The following SMARCA4 variants were observed in gnomAD, a reference collection of about 807,000 sequenced individuals.
SMARCA4 encodes SWI/SNF related BAF chromatin remodeling complex subunit ATPase 4, also known as SWI/SNF-related matrix-associated actin-dependent regulator of chromatin subfamily A member 4.
In SMARCA4, 31 loss-of-function variants were observed where a neutral mutation model predicts 193.9. The observed-to-expected ratio is 0.16, with a 90% CI of 0.12 to 0.22. The LOEUF (loss-of-function observed/expected upper bound fraction) is 0.22, where lower values mean the gene tolerates loss of function less well. Among genes scored for constraint, SMARCA4 ranks in the 10% least tolerant of loss-of-function variants. The probability of loss-of-function intolerance (pLI) is 1.00; values close to 1 mark genes in which losing one functional copy is unlikely to be tolerated. For missense variants in SMARCA4, 1,148 were observed against 2,296.0 expected (o/e 0.50, Z 10.22); for synonymous variants, 942 against 933.1 (o/e 1.01, Z -0.17).
chr19:11,002,799 CAAAAAAAAAAAAA>C lies in SMARCA4; in HGVS notation c.1813-220_1813-208del, dbSNP rs747143883. Among the ~76,000 whole-genome samples, 546 of 83,714 alleles carry C rather than the reference CAAAAAAAAAAAAA, an allele frequency of 6.5e-3. 10 individuals carry two copies. Among genetic ancestry groups the C allele is most frequent in the African/African-American group, 0.023 (508 of 21,640 alleles). The allele number at this position is 83,714 out of a possible 152,430, so 54.9% of individuals were successfully genotyped here. A position where few individuals can be genotyped will look rare whatever the true frequency, so the allele number is the denominator to read the frequency against. The stretch of plus-strand genomic sequence containing the variant: ...TGGGTGACAGAGCGAGACTCCGTCT[CAAAAAAAAAAAAA>C]AAAAAAAAAGAAGAAACAAGTGTCA... On this transcript the variant is annotated intron_variant, in intron 11 of 34. Coordinates refer to ENST00000344626, the MANE Select transcript of SMARCA4 (RefSeq NM_003072.5).
In SMARCA4 at chr19:10,996,546, T is replaced by G. The variant is rs1600085264; in HGVS notation, c.1812+2T>G. ...CCTGCCATTGGGCCGGATGGCGAGGTGAGGAAGCAGGGTTTCTTGTGGAAG... is the reference window on the plus strand; with the variant it reads ...CCTGCCATTGGGCCGGATGGCGAGGGGAGGAAGCAGGGTTTCTTGTGGAAG... On this transcript the variant is annotated splice_donor_variant, in intron 11 of 34. Coordinates refer to ENST00000344626, the MANE Select transcript of SMARCA4 (RefSeq NM_003072.5). LOFTEE classifies it high-confidence loss of function. 1 of 1,613,888 alleles carries G rather than the reference T, an allele frequency of 6.2e-7. No individual in the cohort carries two copies. Among genetic ancestry groups the G allele is most frequent in the Non-Finnish European group, 8.5e-7 (1 of 1,179,838 alleles).
chr19:10,966,876 A>G (rs2084264311), intron 1 of SMARCA4, among the ~76,000 whole-genome samples: 1 of 143,796 alleles, frequency 7.0e-6, no homozygotes, highest in African/African-American at 2.6e-5. Flanking sequence ...CGACAGAGCA[A>G]GACTACGTCT....
At chr19:11,007,787 G>T in intron 13 of SMARCA4, 115 bp from the exon 14 acceptor site, 1 of 965,092 alleles carries the variant, frequency 1.0e-6, no homozygotes, top group Non-Finnish European at 1.7e-6. Flanking sequence ...AGGATAGGTA[G>T]AGGGGGTGAG....
At chr19:11,001,053 A>C (rs2087585844) in intron 11 of SMARCA4, among the ~76,000 whole-genome samples, 1 of 151,678 alleles carries the variant, frequency 6.6e-6, no homozygotes, top group South Asian at 2.1e-4. Flanking sequence ...GGAGCTCTCT[A>C]TTATTATTAC....
chr19:11,060,264 G>C, intron 34 of SMARCA4, 77 bp downstream of exon 34: 2 of 1,515,184 alleles, frequency 1.3e-6, no homozygotes, highest in Non-Finnish European at 1.8e-6. Flanking sequence ...ACAGCCCTGT[G>C]GGGCGGTGCT....
chr19:11,058,676 ATCC>A lies in SMARCA4; in HGVS notation c.4534-109_4534-107del. 1 of 924,160 alleles carries A rather than the reference ATCC, an allele frequency of 1.1e-6. No homozygotes were observed. The highest frequency in any genetic ancestry group is 1.9e-5 in the Admixed American group (1 of 52,234). The allele number at this position is 924,160 out of a possible 1,614,324, so 57.2% of individuals were successfully genotyped here. A position where few individuals can be genotyped will look rare whatever the true frequency, so the allele number is the denominator to read the frequency against. ...TTACCGAGGCTGGCGCTTCGGCCAC[ATCC>A]TCATAGGCACGAGGAATCCTAGCCC... On this transcript the variant is annotated intron_variant, in intron 31 of 34. Transcript: ENST00000344626. The surrounding 1 kb of genome is among the most constrained non-coding windows in gnomAD (Gnocchi z 5.8).
Position 11,018,781 on chromosome 19 carries a change from C to T in SMARCA4, c.2439-176C>T, listed in dbSNP as rs2089602706. 4.1e-6 allele frequency: 3 copies of T among 723,372 alleles called. No individual in the cohort carries two copies. In the African/African-American group the frequency reaches 5.2e-5, roughly 12 times the overall value. The allele number at this position is 723,372 out of a possible 1,614,324, so 44.8% of individuals were successfully genotyped here. On this transcript the variant is annotated intron_variant, in intron 16 of 34. Transcript: ENST00000344626. ...TCCTCTGAGGCAGAGCCCTTCACGT[C>T]CTCGCCAGTCTCTCTTCCTCCCTCC...
intron 1 of SMARCA4, chr19:10,961,496 T>G (rs1166434853): frequency 2.0e-5 from 3 of 152,070 alleles, no homozygotes; most frequent in Non-Finnish European, 2.9e-5. Flanking sequence ...CCGGCACCCC[T>G]ACAGTCGCCC....
In SMARCA4 at chr19:11,019,604, C is replaced by G; in HGVS notation, c.2519C>G (p.Ala840Gly). Residue 840 changes from alanine to glycine, a missense_variant, in exon 18 of 35, where the codon GCA becomes GGA. This residue lies in a region of SMARCA4 where 54 missense variants were observed against 123.3 expected (regional missense o/e 0.44). Transcript: ENST00000344626. This position sits in a 1 kb window ranked among gnomAD's most constrained non-coding sequence, Gnocchi z 6.1. ...CTTCCCTTGCAGGGATCCCCAGCAG[C>G]AAGACGGGCCTTTGTCCCCCAGCTC... ...VKVSYKGSPA[A>G]RRAFVPQLRS... The G allele has an allele frequency of 6.2e-7, 1 of 1,611,226 alleles. No homozygotes were observed. The highest frequency in any genetic ancestry group is 8.5e-7 in the Non-Finnish European group (1 of 1,178,540).
chr19:11,044,174 A>G (rs2075771553), intron 30 of SMARCA4, among the ~76,000 whole-genome samples: 1 of 152,032 alleles, frequency 6.6e-6, no homozygotes, highest in Non-Finnish European at 1.5e-5. Flanking sequence ...CGTAGAGAGG[A>G]TGAGCCTCGA....
At chr19:11,003,474 C>A (rs2087858759) in intron 13 of SMARCA4, 77 bp downstream of exon 13, 1 of 1,356,532 alleles carries the variant, frequency 7.4e-7, no homozygotes, top group Non-Finnish European at 1.1e-6. Flanking sequence ...TTGTGACCGT[C>A]TCCTGCCCTG....
At position 11,025,683 on chromosome 19, in the gene SMARCA4, C is replaced by T. The variant is rs2090202096; in HGVS notation, c.3168+175C>T. On this transcript the variant is annotated intron_variant, in intron 22 of 34. Transcript: ENST00000344626. ...TCACCAGTGCTTACGGGAAGAATCC[C>T]AGCAGTTAGGGCGCAACGTGCGATA... The T allele has an allele frequency of 4.7e-6, 3 of 643,994 alleles. No individual in the cohort carries two copies. In the African/African-American group the frequency reaches 5.4e-5, roughly 12 times the overall value. The allele number at this position is 643,994 out of a possible 1,614,324, so 39.9% of individuals were successfully genotyped here. A position where few individuals can be genotyped will look rare whatever the true frequency, so the allele number is the denominator to read the frequency against.
Position 10,984,549 on chromosome 19 carries a change from G to A in SMARCA4, c.222+176G>A, listed in dbSNP as rs576917876. 2.5e-4 allele frequency among the ~76,000 whole-genome samples: 38 copies of A among 152,378 alleles called. No homozygotes were observed. The highest frequency in any genetic ancestry group is 4.0e-4 in the Non-Finnish European group (27 of 68,032). ...CGGCCATGAACAGAAGGTTCAGCTC[G>A]TCAGACCCCAGCCTGTGCTGGCGCA... On this transcript the variant is annotated intron_variant, in intron 2 of 34. Transcript: ENST00000344626. The surrounding 1 kb of genome is among the most constrained non-coding windows in gnomAD (Gnocchi z 4.3).
intron 1 of SMARCA4, among the ~76,000 whole-genome samples, chr19:10,965,572 C>T (rs2084147607): frequency 6.6e-6 from 1 of 152,118 alleles, no homozygotes; most frequent in Non-Finnish European, 1.5e-5. Context: ...CTGAGGAATG[C>T]GTTGTGAGAT....
chr19:11,058,387 C>T lies in SMARCA4; in HGVS notation c.4533+24C>T, dbSNP rs773896673. 4.3e-5 allele frequency: 65 copies of T among 1,496,302 alleles called. No individual in the cohort carries two copies. The highest frequency in any genetic ancestry group is 5.8e-5 in the Non-Finnish European group (62 of 1,073,634). 92.7% of individuals were successfully genotyped at this position (1,496,302 alleles called of 1,614,324 possible). A position where few individuals can be genotyped will look rare whatever the true frequency, so the allele number is the denominator to read the frequency against. ...AGGTAACCCTGACGTTGTACCTGCGCCCCGCATGTGCCCGGAGGGGAGTCT... is the reference window on the plus strand; with the variant it reads ...AGGTAACCCTGACGTTGTACCTGCGTCCCGCATGTGCCCGGAGGGGAGTCT... On this transcript the variant is annotated intron_variant, in intron 31 of 34. Transcript: ENST00000344626. This position sits in a 1 kb window ranked among gnomAD's most constrained non-coding sequence, Gnocchi z 5.8.
intron 30 of SMARCA4, among the ~76,000 whole-genome samples, chr19:11,057,727 CAAAAA>C (rs1033290094): frequency 2.7e-5 from 4 of 150,070 alleles, no homozygotes; most frequent in Non-Finnish European, 5.9e-5. Flanking sequence ...GACTCTGTCT[CAAAAA>C]AAACAAAAAA....
chr19:10,967,355 G>A (rs1162497310), intron 1 of SMARCA4, among the ~76,000 whole-genome samples: 1 of 151,888 alleles, frequency 6.6e-6, no homozygotes, highest in African/African-American at 2.4e-5. Flanking sequence ...CTGTCGCCCA[G>A]GCTGGAGTGC....
At chr19:10,978,953 T>C (rs1441776721) in intron 1 of SMARCA4, among the ~76,000 whole-genome samples, 2 of 151,696 alleles carry the variant, frequency 1.3e-5, no homozygotes, top group Non-Finnish European at 2.9e-5. Flanking sequence ...TGTCTCTAAA[T>C]AAATAAATAA....
chr19:10,971,586 C>T (rs2084676911), intron 1 of SMARCA4, among the ~76,000 whole-genome samples: 1 of 151,850 alleles, frequency 6.6e-6, no homozygotes, highest in African/African-American at 2.4e-5. Context: ...TCTGGACCCT[C>T]CCACCTTGGC....
Sources: gnomAD v4.1 joint callset for allele counts (sites outside exome capture counted in the v4.1 genomes callset) on GRCh38, gnomAD v4.1.1 for gene constraint, gnomAD v4.1.1 regional missense constraint, Gnocchi (gnomAD v3.1) non-coding constraint, MANE v1.5 for transcripts, NCBI Gene and HGNC (gene_info 2026-07-23, HGNC 2026-07-21) for gene names.